The following TMEM59L variants were observed in gnomAD, a reference collection of about 807,000 sequenced individuals.
The protein encoded by TMEM59L is transmembrane protein 59-like.
In TMEM59L, 31 loss-of-function variants were observed where a neutral mutation model predicts 39.6. The observed-to-expected ratio is 0.78, with a 90% CI of 0.59 to 1.06. TMEM59L has a LOEUF of 1.06. Among genes scored for constraint, TMEM59L ranks in the 50% least tolerant of loss-of-function variants. The probability of loss-of-function intolerance (pLI) is 0.00; values close to 1 mark genes in which losing one functional copy is unlikely to be tolerated. For missense variants in TMEM59L, 441 were observed against 451.3 expected (o/e 0.98, Z 0.21); for synonymous variants, 219 against 202.9 (o/e 1.08, Z -0.68).
Position 18,613,954 on chromosome 19 carries a change from C to T in TMEM59L, c.254C>T (p.Ser85Phe). The T allele has an allele frequency of 2.5e-6, 4 of 1,613,338 alleles. No homozygotes were observed. Among genetic ancestry groups the T allele is most frequent in the Non-Finnish European group, 3.4e-6 (4 of 1,180,032 alleles). Residue 85 changes from serine to phenylalanine, a missense_variant, in exon 2 of 8, where the codon TCC (serine) becomes TTC (phenylalanine). Physicochemically the swap from Ser to Phe is radical, Grantham distance 155. Coordinates refer to ENST00000262817, the MANE Select transcript of TMEM59L (RefSeq NM_012109.3). ...SACERGCRLF[S>F]ICRFVARSSK... is the part of the protein sequence containing the mutation. ...TGCGAGCGTGGCTGCCGCCTCTTCTCCATCTGCCGATTTGTGGCCAGAAGC... is the reference window on the plus strand; with the variant it reads ...TGCGAGCGTGGCTGCCGCCTCTTCTTCATCTGCCGATTTGTGGCCAGAAGC...
At position 18,614,153 on chromosome 19, in the gene TMEM59L, C is replaced by G. The variant is rs112991391; in HGVS notation, c.366C>G (p.His122Gln). 1.2e-6 allele frequency: 2 copies of G among 1,609,426 alleles called. No individual in the cohort carries two copies. Among genetic ancestry groups the G allele is most frequent in the Non-Finnish European group, 1.7e-6 (2 of 1,178,878 alleles). ...VKEAEQQACS[H>Q]GCWSQPAEPE... ...AGGCAGAGCAGCAGGCCTGTAGCCA[C>G]GGCTGCTGGAGCCAGCCCGCGGAGC... is the stretch of plus-strand genomic sequence containing the variant. The change falls in exon 3 of 8, where the codon CAC becomes CAG. Residue 122 changes from histidine to glutamine, a missense_variant. Coordinates refer to ENST00000262817, the MANE Select transcript of TMEM59L (RefSeq NM_012109.3).
At position 18,614,099 on chromosome 19, in the gene TMEM59L, C is replaced by A; in HGVS notation, c.317-5C>A. On this transcript the variant is annotated splice_region_variant and splice_polypyrimidine_tract_variant and intron_variant, in intron 2 of 7. Coordinates refer to ENST00000262817, the MANE Select transcript of TMEM59L (RefSeq NM_012109.3). ...TCCCCAGTCACCCGCTCCCACCTCCCACAGCCTGCGTGGAAGCCTATGTGA... is the reference window on the plus strand; with the variant it reads ...TCCCCAGTCACCCGCTCCCACCTCCAACAGCCTGCGTGGAAGCCTATGTGA... 6.2e-7 allele frequency: 1 copy of A among 1,612,294 alleles called. No individual in the cohort carries two copies. Among genetic ancestry groups the A allele is most frequent in the Non-Finnish European group, 8.5e-7 (1 of 1,179,718 alleles).
intron 5 of TMEM59L, chr19:18,617,709 A>ATG (rs2145350369): frequency 5.4e-6 from 2 of 371,298 alleles, no homozygotes; most frequent in East Asian, 2.2e-4. Flanking sequence ...AGGGTTCTGC[A>ATG]GTCCATCTCC....
Position 18,612,973 on chromosome 19 carries a change from G to T in TMEM59L, c.15G>T (p.Ala5=). The T allele has an allele frequency of 7.5e-7, 1 of 1,340,568 alleles. No homozygotes were observed. Among genetic ancestry groups the T allele is most frequent in the Non-Finnish European group, 9.5e-7 (1 of 1,049,792 alleles). 83.0% of individuals were successfully genotyped at this position (1,340,568 alleles called of 1,614,324 possible). A position where few individuals can be genotyped will look rare whatever the true frequency, so the allele number is the denominator to read the frequency against. MAAV[A]LMPPPLLLLL... ...TCCGCCCGGCCATGGCTGCGGTGGCGCTGATGCCACCGCCGCTGCTGCTGC... is the reference window on the plus strand; with the variant it reads ...TCCGCCCGGCCATGGCTGCGGTGGCTCTGATGCCACCGCCGCTGCTGCTGC... Residue 5 remains alanine, a synonymous_variant, in exon 1 of 8, where the codon GCG becomes GCT. Coordinates refer to ENST00000262817, the MANE Select transcript of TMEM59L (RefSeq NM_012109.3). This position sits in a 1 kb window ranked among gnomAD's most constrained non-coding sequence, Gnocchi z 6.2.
rs577745165 is a variant in TMEM59L at position 18,613,896 on chromosome 19, T to G, written c.196T>G (p.Ser66Ala). The G allele has an allele frequency of 6.2e-7, 1 of 1,608,226 alleles. No individual in the cohort carries two copies. The highest frequency in any genetic ancestry group is 2.2e-5 in the East Asian group (1 of 44,628). The change falls in exon 2 of 8, where the codon TCT (serine) becomes GCT (alanine). Residue 66 changes from serine (S) to alanine (A), a missense_variant. Transcript: ENST00000262817. The part of the protein sequence containing the change: ...SQAGLEGASE[S>A]PYDRAVLISA... ...GGCGGGGCTGGAGGGCGCCTCCGAGTCTCCCTATGACAGAGCCGTTCTGAT... is the reference window on the plus strand; with the variant it reads ...GGCGGGGCTGGAGGGCGCCTCCGAGGCTCCCTATGACAGAGCCGTTCTGAT...
chr19:18,618,704 A>ATTT (rs71166534), intron 7 of TMEM59L, among the ~76,000 whole-genome samples: 2 of 139,158 alleles, frequency 1.4e-5, no homozygotes, highest in African/African-American at 2.7e-5. Flanking sequence ...ATATATATAT[A>ATTT]TTTTTTTTGA....
chr19:18,614,029 C>G lies in TMEM59L; in HGVS notation c.316+13C>G. 1 of 1,613,272 alleles carries G rather than the reference C, an allele frequency of 6.2e-7. No individual in the cohort carries two copies. The highest frequency in any genetic ancestry group is 2.2e-5 in the East Asian group (1 of 44,874). On this transcript the variant is annotated intron_variant, in intron 2 of 7. Transcript: ENST00000262817. ...GAGTGTGAAGCAGGTGAGGGCCCGC[C>G]GGCAGGGTGGGCCAGCGTGGGGAGA...
chr19:18,613,685 C>T lies in TMEM59L; in HGVS notation c.172-187C>T, dbSNP rs1297595909. ...GTCCATTTCTCTTCTCAAGCTCCCT[C>T]CCCATCTCCCTCCTCAGAGCTAAGA... On this transcript the variant is annotated intron_variant, in intron 1 of 7. Transcript: ENST00000262817. Among the ~76,000 whole-genome samples, 4 of 152,290 alleles carry T rather than the reference C, an allele frequency of 2.6e-5. No individual in the cohort carries two copies. The East Asian group carries it at 5.8e-4, about 22-fold the overall frequency.
At chr19:18,617,246 C>T (rs1240495951) in intron 5 of TMEM59L, 144 bp downstream of exon 5, 1 of 714,176 alleles carries the variant, frequency 1.4e-6, no homozygotes. Context: ...TCTCCATGGT[C>T]TATTTCCCAG....
intron 1 of TMEM59L, among the ~76,000 whole-genome samples, chr19:18,613,474 C>T (rs991521728): frequency 4.0e-5 from 6 of 151,784 alleles, no homozygotes; most frequent in African/African-American, 1.5e-4. Flanking sequence ...CGTGTTCCCT[C>T]CCCACTCAGA....
chr19:18,618,675 A>G (rs4808139), intron 7 of TMEM59L, among the ~76,000 whole-genome samples, 183 bp downstream of exon 7: 578 of 54,902 alleles, frequency 0.011, 4 homozygotes, highest in East Asian at 0.04. Flanking sequence ...GTGTGTGTGT[A>G]TATATATATA....
In TMEM59L at chr19:18,620,394, C is replaced by T. The variant is rs370095583; in HGVS notation, c.901-14C>T. On this transcript the variant is annotated splice_polypyrimidine_tract_variant and intron_variant, in intron 7 of 7. Transcript: ENST00000262817. The stretch of plus-strand genomic sequence containing the variant: ...CCCGTCCCTCCACTTCCCTCCTCCC[C>T]TCTCTTCCTGCAGCCTCTGACCCTG... 124 of 1,602,560 alleles carry T rather than the reference C, an allele frequency of 7.7e-5. No individual in the cohort carries two copies. Among genetic ancestry groups the T allele is most frequent in the Non-Finnish European group, 1.0e-4 (123 of 1,172,846 alleles).
intron 4 of TMEM59L, among the ~76,000 whole-genome samples, chr19:18,616,685 C>T (rs1377972579): frequency 3.3e-5 from 5 of 152,156 alleles, no homozygotes; most frequent in Non-Finnish European, 7.4e-5. Flanking sequence ...GAGCCACTGC[C>T]CCGGCTCCCT....
chr19:18,617,038 C>T lies in TMEM59L; in HGVS notation c.600C>T (p.Gly200=), dbSNP rs537725387. The change falls in exon 5 of 8, where the codon GGC becomes GGT. Residue 200 remains glycine, a synonymous_variant. Transcript: ENST00000262817. ...PIVESLGFQG[G]RLQRVEVTWR... ...TGGAGAGCCTCGGCTTCCAGGGGGG[C>T]CGTCTGCAGCGCGTGGAGGTGACCT... 3 of 1,612,900 alleles carry T rather than the reference C, an allele frequency of 1.9e-6. No individual in the cohort carries two copies. Among genetic ancestry groups the T allele is most frequent in the Non-Finnish European group, 2.5e-6 (3 of 1,179,644 alleles).
chr19:18,618,146 ATC>A lies in TMEM59L; in HGVS notation c.665-4_665-3del, dbSNP rs751114793. On this transcript the variant is annotated splice_region_variant and splice_polypyrimidine_tract_variant and intron_variant, in intron 5 of 7. Transcript: ENST00000262817. Reference sequence around the variant, plus strand: ...CCTGGTGGTCGCTGAGTGGCAGCTGATCTCTCAGACCCTGTAGGCCCCCTGGA... The same window carrying A: ...CCTGGTGGTCGCTGAGTGGCAGCTGATCTCAGACCCTGTAGGCCCCCTGGA... 9.3e-6 allele frequency: 15 copies of A among 1,608,944 alleles called. No homozygotes were observed. In the Admixed American group the frequency reaches 2.2e-4, roughly 23 times the overall value.
Position 18,618,174 on chromosome 19 carries a change from C to G in TMEM59L, c.684C>G (p.Asp228Glu). 3 of 1,613,714 alleles carry G rather than the reference C, an allele frequency of 1.9e-6. No homozygotes were observed. Among genetic ancestry groups the G allele is most frequent in the Non-Finnish European group, 2.5e-6 (3 of 1,179,916 alleles). ...EVHVDPVGPL[D>E]KVRKAKIRVK... ...TCTCAGACCCTGTAGGCCCCCTGGA[C>G]AAGGTGAGGAAGGCCAAGATCCGAG... Residue 228 changes from aspartate to glutamate, a missense_variant, in exon 6 of 8, where the codon GAC becomes GAG. Physicochemically the swap from Asp to Glu is conservative, Grantham distance 45. Transcript: ENST00000262817.
intron 3 of TMEM59L, among the ~76,000 whole-genome samples, chr19:18,615,611 T>A (rs1437855303): frequency 6.6e-6 from 1 of 152,200 alleles, no homozygotes; most frequent in Non-Finnish European, 1.5e-5. Context: ...AGTTTATTTA[T>A]TCATTTATTT....
intron 5 of TMEM59L, 45 bp from the exon 6 acceptor site, chr19:18,618,110 C>T: frequency 6.7e-7 from 1 of 1,496,734 alleles, no homozygotes; most frequent in Non-Finnish European, 9.3e-7. Context: ...ATTGTGGCCT[C>T]TTAGCAAAGA....
chr19:18,618,953 C>A (rs1976464709), intron 7 of TMEM59L, among the ~76,000 whole-genome samples: 1 of 151,708 alleles, frequency 6.6e-6, no homozygotes, highest in Admixed American at 6.6e-5. Flanking sequence ...CCTCTGCCTC[C>A]CAAAGTGCTG....
Sources: gnomAD v4.1 joint callset for allele counts (sites outside exome capture counted in the v4.1 genomes callset) on GRCh38, gnomAD v4.1.1 for gene constraint, Gnocchi (gnomAD v3.1) non-coding constraint, MANE v1.5 for transcripts, NCBI Gene and HGNC (gene_info 2026-07-23, HGNC 2026-07-21) for gene names.